The following ENPP7 variants were observed in gnomAD, a reference collection of about 807,000 sequenced individuals.
ENPP7 encodes ectonucleotide pyrophosphatase/phosphodiesterase family member 7.
In ENPP7, 39 loss-of-function variants were observed where a neutral mutation model predicts 33.6. The observed-to-expected ratio is 1.16, with a 90% CI of 0.90 to 1.52. ENPP7 has a LOEUF of 1.52. ENPP7 is among the 40% of genes most tolerant of loss of function. The pLI is 0.00. For synonymous variants in ENPP7, 244 were observed against 274.3 expected, an observed-to-expected ratio of 0.89 and a Z score of 1.09; for missense variants, 594 against 641.0, an observed-to-expected ratio of 0.93 and a Z score of 0.79.
In ENPP7 at chr17:79,733,560, C is replaced by T. The variant is rs200647393; in HGVS notation, c.306C>T (p.Thr102=). ...GVVHNMYYNT[T]SKVKLPYHAT... Reference sequence around the variant, plus strand: ...TTCACAACATGTACTACAACACCACCAGCAAGGTGAAGCTGCCCTACCACG... The same window carrying T: ...TTCACAACATGTACTACAACACCACTAGCAAGGTGAAGCTGCCCTACCACG... Residue 102 remains threonine (T), a synonymous_variant, in exon 2 of 6, where the codon ACC becomes ACT. Coordinates refer to ENST00000328313, the MANE Select transcript of ENPP7 (RefSeq NM_178543.5). 247 of 1,613,602 alleles carry T rather than the reference C, an allele frequency of 1.5e-4. No homozygotes were observed. In the East Asian group the frequency reaches 5.0e-3, roughly 33 times the overall value.
rs782737842 is a variant in ENPP7 at position 79,731,124 on chromosome 17, A to C, written c.-16A>C. 1 of 1,600,892 alleles carries C rather than the reference A, an allele frequency of 6.2e-7. No homozygotes were observed. The highest frequency in any genetic ancestry group is 1.3e-5 in the African/African-American group (1 of 74,788). ...CCCTGTGCACCCTGTGTGCCTGTCC[A>C]TCTGGAAGGCCCAGCATGAGAGGCC... On this transcript the variant is annotated 5_prime_UTR_variant, in exon 1 of 6. Transcript: ENST00000328313.
chr17:79,732,143 TATATATAC>T (rs546148928), intron 1 of ENPP7, among the ~76,000 whole-genome samples: 1 of 24,222 alleles, frequency 4.1e-5, no homozygotes, highest in African/African-American at 1.8e-4. Flanking sequence ...TATATATATA[TATATATAC>T]ACACACATAT....
At chr17:79,736,599 T>G (rs986187404) in intron 3 of ENPP7, among the ~76,000 whole-genome samples, 7 of 150,898 alleles carry the variant, frequency 4.6e-5, no homozygotes, top group African/African-American at 1.7e-4. Flanking sequence ...CAGGGTAAAG[T>G]GTAGAAGTCC....
At chr17:79,733,835 C>A (rs1252238316) in intron 2 of ENPP7, among the ~76,000 whole-genome samples, 182 bp downstream of exon 2, 1 of 152,182 alleles carries the variant, frequency 6.6e-6, no homozygotes, top group African/African-American at 2.4e-5. Flanking sequence ...GTGGTGGGTG[C>A]TGGTGAGGAC....
rs1555824694 is a variant in ENPP7, at chr17:79,741,906, C to T, written c.*129C>T. The T allele has an allele frequency of 1.0e-6, 1 of 985,554 alleles. No individual in the cohort carries two copies. The highest frequency in any genetic ancestry group is 1.7e-5 in the African/African-American group (1 of 57,232). The allele number at this position is 985,554 out of a possible 1,614,324, so 61.1% of individuals were successfully genotyped here. A position where few individuals can be genotyped will look rare whatever the true frequency, so the allele number is the denominator to read the frequency against. On this transcript the variant is annotated 3_prime_UTR_variant, in exon 6 of 6. Coordinates refer to ENST00000328313, the MANE Select transcript of ENPP7 (RefSeq NM_178543.5). ...TTATCCCAGGCCAGAGGCTGCATGC[C>T]ACTGTCCCCGGCAGCGCCAACCCCT...
In ENPP7 at chr17:79,735,691, C is replaced by T; in HGVS notation, c.1026+22C>T. 6.3e-7 allele frequency: 1 copy of T among 1,587,714 alleles called. No homozygotes were observed. The highest frequency in any genetic ancestry group is 1.1e-5 in the South Asian group (1 of 88,698). Reference sequence around the variant, plus strand: ...TGGGGTGAGTCGCCTGCTGGAGGCACCACCTCCAGGGGCTCCCTCCCCAGG... The same window carrying T: ...TGGGGTGAGTCGCCTGCTGGAGGCATCACCTCCAGGGGCTCCCTCCCCAGG... On this transcript the variant is annotated intron_variant, in intron 3 of 5. Transcript: ENST00000328313. The surrounding 1 kb of genome is among the most constrained non-coding windows in gnomAD (Gnocchi z 5.5).
rs782733378 is a variant in ENPP7 at position 79,737,998 on chromosome 17, C to T, written c.1329C>T (p.Leu443=). Residue 443 remains leucine, a synonymous_variant, in exon 5 of 6, where the codon CTC becomes CTT. Transcript: ENST00000328313. This position sits in a 1 kb window ranked among gnomAD's most constrained non-coding sequence, Gnocchi z 5.5. ...SALPPSSRPL[L]VMGLLGTVIL... is the part of the protein sequence containing the mutation. ...TCCCGCCCAGCAGCAGGCCCCTCCT[C>T]GTGATGGGACTGCTGGGGACCGTGA... The T allele has an allele frequency of 3.7e-6, 6 of 1,613,174 alleles. No homozygotes were observed. The Admixed American group carries it at 5.0e-5, about 13-fold the overall frequency.
chr17:79,739,617 A>AGTCGGGGGGGACG lies in ENPP7; in HGVS notation c.*16+1556_*16+1557insTCGGGGGGGACGG. On this transcript the variant is annotated intron_variant, in intron 5 of 5. Transcript: ENST00000328313. This position sits in a 1 kb window ranked among gnomAD's most constrained non-coding sequence, Gnocchi z 4.4. ...GCTGACATGCTAAACTGTTGGGGAC[A>AGTCGGGGGGGACG]GGAGTCGGGGGGGCCGAGACTTGTT... The AGTCGGGGGGGACG allele has an allele frequency of 6.6e-6, 1 of 152,444 alleles. No homozygotes were observed. The highest frequency in any genetic ancestry group is 1.5e-5 in the Non-Finnish European group (1 of 68,118). The allele number at this position is 152,444 out of a possible 1,614,324, so 9.4% of individuals were successfully genotyped here. A position where few individuals can be genotyped will look rare whatever the true frequency, so the allele number is the denominator to read the frequency against.
intron 5 of ENPP7, among the ~76,000 whole-genome samples, chr17:79,741,582 A>G (rs1598205983): frequency 7.8e-6 from 1 of 127,656 alleles, no homozygotes; most frequent in Admixed American, 8.3e-5. Context: ...GTGCCCTCCC[A>G]GGAATCCCTA....
intron 5 of ENPP7, among the ~76,000 whole-genome samples, chr17:79,740,310 G>A (rs2094303039): frequency 6.6e-6 from 1 of 152,184 alleles, no homozygotes; most frequent in Non-Finnish European, 1.5e-5. Flanking sequence ...TCCGGAAGGG[G>A]ACCAGAGGAC....
Position 79,737,942 on chromosome 17 carries a change from C to T in ENPP7, c.1273C>T (p.Pro425Ser), listed in dbSNP as rs1555823963. The T allele has an allele frequency of 6.2e-7, 1 of 1,613,864 alleles. No individual in the cohort carries two copies. The highest frequency in any genetic ancestry group is 8.5e-7 in the Non-Finnish European group (1 of 1,180,008). The part of the protein sequence containing the change: ...TESALPPDGR[P>S]TLLPKGRSAL... ...ATCTGCTCTTCCGCCTGATGGAAGG[C>T]CTACTCTCCTGCCCAAGGGAAGATC... The change falls in exon 5 of 6, where the codon CCT (proline) becomes TCT (serine). Residue 425 changes from proline to serine, a missense_variant. Coordinates refer to ENST00000328313, the MANE Select transcript of ENPP7 (RefSeq NM_178543.5). This position sits in a 1 kb window ranked among gnomAD's most constrained non-coding sequence, Gnocchi z 5.5.
chr17:79,735,383 A>T lies in ENPP7; in HGVS notation c.740A>T (p.His247Leu), dbSNP rs782371079. 6.2e-7 allele frequency: 1 copy of T among 1,614,030 alleles called. No homozygotes were observed. Among genetic ancestry groups the T allele is most frequent in the East Asian group, 2.2e-5 (1 of 44,882 alleles). The change falls in exon 3 of 6, where the codon CAC (histidine) becomes CTC (leucine). Residue 247 changes from histidine (H) to leucine (L), a missense_variant. Physicochemically the swap from His to Leu is moderately conservative, Grantham distance 99. Around this residue, in one of 3 missense-constraint regions of ENPP7, gnomAD observed 504 missense variants for 512.8 expected, o/e 0.98. Transcript: ENST00000328313. The surrounding 1 kb of genome is among the most constrained non-coding windows in gnomAD (Gnocchi z 5.5). The stretch of plus-strand genomic sequence containing the variant: ...CTCAACCTGATCATCACATCCGACC[A>T]CGGCATGACGACCGTGGACAAACGG... ...DRLNLIITSD[H>L]GMTTVDKRAG...
rs782798292 is a variant in ENPP7 at position 79,737,823 on chromosome 17, G to A, written c.1247-93G>A. ...GCGGTGAAAGAGGAAGGAGGGGCTCGTGGGGACCAACAGAGGACCCCGAGT... is the reference window on the plus strand; with the variant it reads ...GCGGTGAAAGAGGAAGGAGGGGCTCATGGGGACCAACAGAGGACCCCGAGT... On this transcript the variant is annotated intron_variant, in intron 4 of 5. Coordinates refer to ENST00000328313, the MANE Select transcript of ENPP7 (RefSeq NM_178543.5). The surrounding 1 kb of genome is among the most constrained non-coding windows in gnomAD (Gnocchi z 5.5). 1.4e-5 allele frequency: 20 copies of A among 1,389,310 alleles called. No individual in the cohort carries two copies. Among genetic ancestry groups the A allele is most frequent in the South Asian group, 3.6e-5 (3 of 83,202 alleles). The allele number at this position is 1,389,310 out of a possible 1,614,324, so 86.1% of individuals were successfully genotyped here.
At chr17:79,733,434 C>T (rs1308864735) in intron 1 of ENPP7, 74 bp from the exon 2 acceptor site, 2 of 1,515,180 alleles carry the variant, frequency 1.3e-6, no homozygotes, top group Non-Finnish European at 1.8e-6. Context: ...GACTTCGCCT[C>T]TTCCAGCCCT....
chr17:79,736,574 T>TGC (rs1202466429), intron 3 of ENPP7, among the ~76,000 whole-genome samples: 2 of 144,076 alleles, frequency 1.4e-5, no homozygotes, highest in Non-Finnish European at 3.0e-5. Flanking sequence ...TGTGTGTGTG[T>TGC]GCGTCCTACG....
rs781968600 is a variant in ENPP7 at position 79,735,323 on chromosome 17, G to A, written c.680G>A (p.Arg227Gln). 2.6e-5 allele frequency: 42 copies of A among 1,613,300 alleles called. No homozygotes were observed. Among genetic ancestry groups the A allele is most frequent in the South Asian group, 6.6e-5 (6 of 91,084 alleles). ...RQVDRTVGYL[R>Q]ESIARNHLTD... ...GTGGACCGGACCGTGGGCTACCTCC[G>A]GGAGAGCATCGCGCGCAACCACCTC... is the stretch of plus-strand genomic sequence containing the variant. Residue 227 changes from arginine (R) to glutamine (Q), a missense_variant, in exon 3 of 6, where the codon CGG (arginine) becomes CAG (glutamine). This residue lies in a region of ENPP7 where 504 missense variants were observed against 512.8 expected (regional missense o/e 0.98). Coordinates refer to ENST00000328313, the MANE Select transcript of ENPP7 (RefSeq NM_178543.5). The surrounding 1 kb of genome is among the most constrained non-coding windows in gnomAD (Gnocchi z 5.5).
At position 79,735,383 on chromosome 17, in the gene ENPP7, A is replaced by G. The variant is rs782371079; in HGVS notation, c.740A>G (p.His247Arg). 1 of 1,614,030 alleles carries G rather than the reference A, an allele frequency of 6.2e-7. No homozygotes were observed. The highest frequency in any genetic ancestry group is 2.2e-5 in the East Asian group (1 of 44,882). ...CTCAACCTGATCATCACATCCGACC[A>G]CGGCATGACGACCGTGGACAAACGG... is the stretch of plus-strand genomic sequence containing the variant. ...DRLNLIITSDHGMTTVDKRAG... is the reference protein window; with the variant it reads ...DRLNLIITSDRGMTTVDKRAG... Residue 247 changes from histidine (H) to arginine (R), a missense_variant, in exon 3 of 6, where the codon CAC becomes CGC. Physicochemically the swap from His to Arg is conservative, Grantham distance 29. This residue lies in a region of ENPP7 where 504 missense variants were observed against 512.8 expected (regional missense o/e 0.98). Transcript: ENST00000328313. The surrounding 1 kb of genome is among the most constrained non-coding windows in gnomAD (Gnocchi z 5.5).
At chr17:79,736,292 G>C (rs1555823579) in intron 3 of ENPP7, among the ~76,000 whole-genome samples, 1 of 152,214 alleles carries the variant, frequency 6.6e-6, no homozygotes, top group Non-Finnish European at 1.5e-5. Flanking sequence ...TCCTGCCTGG[G>C]CCTCCCAAAG....
rs782679869 is a variant in ENPP7, at chr17:79,733,688, G to C, written c.399+35G>C. 12 of 1,564,680 alleles carry C rather than the reference G, an allele frequency of 7.7e-6. No homozygotes were observed. In the Admixed American group the frequency reaches 2.3e-4, roughly 30 times the overall value. ...CCCCCGCCCATACTGACATCGCAGA[G>C]CACGGGGGCACCTAGGCCCAGGTGA... On this transcript the variant is annotated intron_variant, in intron 2 of 5. Transcript: ENST00000328313.
Sources: allele counts gnomAD v4.1 joint callset (sites outside exome capture counted in the v4.1 genomes callset), GRCh38; gene constraint gnomAD v4.1.1; regional missense constraint gnomAD v4.1.1; non-coding constraint Gnocchi (gnomAD v3.1); transcripts MANE v1.5; gene names NCBI Gene and HGNC (gene_info 2026-07-23, HGNC 2026-07-21).